SUPT4H1: variants seen among roughly 807,000 people sequenced by gnomAD.
The protein encoded by SUPT4H1 is SPT4 homolog, DSIF elongation factor subunit.
In SUPT4H1, 12 loss-of-function variants were observed where a neutral mutation model predicts 19.4. The ratio of observed to expected loss-of-function variants is 0.62; its 90% CI spans 0.40 to 1.00. SUPT4H1 has a LOEUF of 1.00. Ranked by LOEUF, SUPT4H1 falls within the 50% of genes least tolerant of loss-of-function variation. SUPT4H1 has a pLI of 0.00. For missense variants in SUPT4H1, 115 were observed against 149.2 expected (o/e 0.77, Z 1.19); for synonymous variants, 58 against 56.3 (o/e 1.03, Z -0.14).
chr17:58,347,355 T>C (rs1448595286), intron 3 of SUPT4H1, 114 bp from the exon 4 acceptor site: 2 of 1,374,506 alleles, frequency 1.5e-6, no homozygotes, highest in East Asian at 4.6e-5. Flanking sequence ...CTATTCCCTC[T>C]TTTGGCTACA....
chr17:58,351,251 CAAAAAAAAAAAAAA>C lies in SUPT4H1; in HGVS notation c.176+137_176+150del, dbSNP rs565767343. 7 of 368,730 alleles carry C rather than the reference CAAAAAAAAAAAAAA, an allele frequency of 1.9e-5. No individual in the cohort carries two copies. The South Asian group carries it at 2.6e-4, about 14-fold the overall frequency. The allele number at this position is 368,730 out of a possible 1,614,324, so 22.8% of individuals were successfully genotyped here. ...TGAGCCACAGAGCAAAACCCTGATT[CAAAAAAAAAAAAAA>C]AAAAAAAAACCCACACAAAATAACC... On this transcript the variant is annotated intron_variant, in intron 2 of 4. Transcript: ENST00000225504.
At chr17:58,349,552 T>C (rs1972410949) in intron 2 of SUPT4H1, among the ~76,000 whole-genome samples, 1 of 152,206 alleles carries the variant, frequency 6.6e-6, no homozygotes, top group Admixed American at 6.5e-5. Context: ...CTGAAAATAA[T>C]GAAAAGCAGG....
intron 1 of SUPT4H1, chr17:58,351,766 C>T (rs990367285): frequency 3.5e-6 from 2 of 572,978 alleles, no homozygotes; most frequent in Non-Finnish European, 6.2e-6. Flanking sequence ...TTTCCGACTA[C>T]TCACTCAGCA....
intron 2 of SUPT4H1, 112 bp downstream of exon 2, chr17:58,351,290 C>T (rs1443451472): frequency 1.5e-6 from 1 of 678,238 alleles, no homozygotes; most frequent in Non-Finnish European, 2.5e-6. Flanking sequence ...ACAAAATAAC[C>T]CCCAAAAACG....
At chr17:58,350,836 C>CAAAAAAAAAAAA (rs35040111) in intron 2 of SUPT4H1, among the ~76,000 whole-genome samples, 1 of 81,906 alleles carries the variant, frequency 1.2e-5, no homozygotes, top group Non-Finnish European at 2.2e-5. Context: ...AAAGTCTGTC[C>CAAAAAAAAAAAA]AAAAAAAAAA....
At chr17:58,351,538 G>C in intron 1 of SUPT4H1, 30 bp from the exon 2 acceptor site, 1 of 1,480,796 alleles carries the variant, frequency 6.8e-7, no homozygotes, top group Non-Finnish European at 9.4e-7. Context: ...AAAGGAAAAG[G>C]AGAGATAAGC....
rs866643708 is a variant in SUPT4H1, at chr17:58,352,092, G to A, written c.44C>T (p.Ala15Val). 2 of 1,614,076 alleles carry A rather than the reference G, an allele frequency of 1.2e-6. No homozygotes were observed. The highest frequency in any genetic ancestry group is 1.3e-5 in the African/African-American group (1 of 74,926). The change falls in exon 1 of 5, where the codon GCC becomes GTC. Residue 15 changes from alanine (A) to valine (V), a missense_variant. Ala to Val is a moderately conservative substitution (Grantham distance 64, BLOSUM62 0). Transcript: ENST00000225504. ...TVPKDLRHLR[A>V]CLLCSLVKTI... ...CTTGACCAGCGAACACAGCAAACAG[G>A]CCCGCAGATGCCGCAGGTCCTTCGG...
At chr17:58,350,836 C>CAAAAAAA (rs35040111) in intron 2 of SUPT4H1, among the ~76,000 whole-genome samples, 1 of 81,916 alleles carries the variant, frequency 1.2e-5, no homozygotes. Context: ...AAAGTCTGTC[C>CAAAAAAA]AAAAAAAAAA....
At chr17:58,346,390 G>A (rs977370883) in intron 4 of SUPT4H1, 77 bp from the exon 5 acceptor site, 72 of 1,227,786 alleles carry the variant, frequency 5.9e-5, no homozygotes, top group Non-Finnish European at 4.8e-5. Flanking sequence ...CCACCTTGAG[G>A]GGGGTACTAT....
In SUPT4H1 at chr17:58,345,940, A is replaced by G. The variant is rs141344069; in HGVS notation, c.*306T>C. 5 of 287,882 alleles carry G rather than the reference A, an allele frequency of 1.7e-5. No homozygotes were observed. The East Asian group carries it at 2.5e-4, about 14-fold the overall frequency. 17.8% of individuals were successfully genotyped at this position (287,882 alleles called of 1,614,324 possible). On this transcript the variant is annotated 3_prime_UTR_variant, in exon 5 of 5. Coordinates refer to ENST00000225504, the MANE Select transcript of SUPT4H1 (RefSeq NM_003168.3). ...GGCCTTCAGAACTTTCTCGAGGTTC[A>G]TATTTATTGACATTTGACCTAGAGT...
chr17:58,346,261 T>C lies in SUPT4H1; in HGVS notation c.339A>G (p.Thr113=). 1 of 1,614,028 alleles carries C rather than the reference T, an allele frequency of 6.2e-7. No individual in the cohort carries two copies. The highest frequency in any genetic ancestry group is 8.5e-7 in the Non-Finnish European group (1 of 1,179,914). Residue 113 remains threonine (T), a synonymous_variant, in exon 5 of 5, where the codon ACA becomes ACG. Transcript: ENST00000225504. The part of the protein sequence containing the change: ...SRGVAYKSRD[T]AIKT ...TTGCATCTTGCTAGGTCTTTATAGC[T>C]GTGTCTCTGGATTTGTAGGCCACTC...
chr17:58,346,374 C>T, intron 4 of SUPT4H1, 61 bp from the exon 5 acceptor site: 3 of 1,408,348 alleles, frequency 2.1e-6, no homozygotes, highest in African/African-American at 2.8e-5. Context: ...ATAGGCCACT[C>T]AGCTGCCACC....
At chr17:58,347,755 C>T (rs922930670) in intron 2 of SUPT4H1, 171 bp from the exon 3 acceptor site, 9 of 657,604 alleles carry the variant, frequency 1.4e-5, no homozygotes, top group Non-Finnish European at 2.4e-5. Context: ...GACAAAAGTT[C>T]TTCATTCTTA....
At chr17:58,346,559 A>G (rs1432234358) in intron 4 of SUPT4H1, among the ~76,000 whole-genome samples, 3 of 151,868 alleles carry the variant, frequency 2.0e-5, no homozygotes, top group African/African-American at 7.3e-5. Context: ...CATCTCTACA[A>G]AAAAATTTTA....
rs1341454597 is a variant in SUPT4H1, at chr17:58,351,475, T to C, written c.103A>G (p.Asn35Asp). 1 of 1,613,910 alleles carries C rather than the reference T, an allele frequency of 6.2e-7. No homozygotes were observed. Among genetic ancestry groups the C allele is most frequent in the East Asian group, 2.2e-5 (1 of 44,898 alleles). ...IDQFEYDGCD[N>D]CDAYLQMKGN... ...TTCATTTGTAGATATGCATCACAAT[T>C]GTCACAACCATCATATTCAAACTGG... The change falls in exon 2 of 5, where the codon AAT (asparagine) becomes GAT (aspartate). Residue 35 changes from asparagine (N) to aspartate (D), a missense_variant. Transcript: ENST00000225504.
intron 2 of SUPT4H1, among the ~76,000 whole-genome samples, chr17:58,347,856 A>T (rs141922968): frequency 1.4e-3 from 206 of 152,346 alleles, no homozygotes; most frequent in Middle Eastern, 6.8e-3. Flanking sequence ...CATTCCCTAG[A>T]AAATGAGACG....
In SUPT4H1 at chr17:58,346,199, CAGAGGCA is replaced by C. The variant is rs1338182029; in HGVS notation, c.*40_*46del. 1 of 1,476,904 alleles carries C rather than the reference CAGAGGCA, an allele frequency of 6.8e-7. No homozygotes were observed. Among genetic ancestry groups the C allele is most frequent in the Non-Finnish European group, 9.5e-7 (1 of 1,055,698 alleles). 91.5% of individuals were successfully genotyped at this position (1,476,904 alleles called of 1,614,324 possible). On this transcript the variant is annotated 3_prime_UTR_variant, in exon 5 of 5. Transcript: ENST00000225504. ...ATTTAGTTCCAGAACAAGAAATAAGCAGAGGCAGGAGGTGGAGAGCAAAGATGCTGGC... is the reference window on the plus strand; with the variant it reads ...ATTTAGTTCCAGAACAAGAAATAAGCGGAGGTGGAGAGCAAAGATGCTGGC...
At chr17:58,351,570 A>C (rs1265474768) in intron 1 of SUPT4H1, 62 bp from the exon 2 acceptor site, 1 of 1,209,988 alleles carries the variant, frequency 8.3e-7, no homozygotes, top group Non-Finnish European at 1.2e-6. Context: ...CAAGAGAAAA[A>C]GTAGCTTTCT....
At chr17:58,351,297 A>T in intron 2 of SUPT4H1, 105 bp downstream of exon 2, 1 of 742,524 alleles carries the variant, frequency 1.3e-6, no homozygotes, top group Non-Finnish European at 2.2e-6. Flanking sequence ...AACCCCCAAA[A>T]ACGAATGGCT....
Sources: allele counts gnomAD v4.1 joint callset (sites outside exome capture counted in the v4.1 genomes callset), GRCh38; gene constraint gnomAD v4.1.1; transcripts MANE v1.5; gene names NCBI Gene and HGNC (gene_info 2026-07-23, HGNC 2026-07-21).